CR1: variants seen among roughly 807,000 people sequenced by gnomAD.
The protein encoded by CR1 is complement C3b/C4b receptor 1 (Knops blood group), also known as complement receptor type 1.
Under a neutral mutation model 187.3 loss-of-function variants are expected in CR1, and 116 were observed. The ratio of observed to expected loss-of-function variants is 0.62; its 90% CI spans 0.53 to 0.72. The LOEUF is 0.72. Among genes scored for constraint, CR1 ranks in the 30% least tolerant of loss-of-function variants. CR1 has a pLI of 0.00. For synonymous variants in CR1, 576 were observed against 747.1 expected (o/e 0.77, Z 3.73); for missense variants, 1,731 against 2,110.7 (o/e 0.82, Z 3.52).
chr1:207,607,188 C>A, intron 35 of CR1, 63 bp from the exon 36 acceptor site: 2 of 1,293,242 alleles, frequency 1.5e-6, no homozygotes, highest in Non-Finnish European at 2.3e-6. Context: ...CTATTATTTT[C>A]TAAATGGTGA....
At chr1:207,501,282 G>A (rs1248710814) in intron 1 of CR1, among the ~76,000 whole-genome samples, 1 of 152,176 alleles carries the variant, frequency 6.6e-6, no homozygotes, top group Admixed American at 6.5e-5. Context: ...ACTCTGTGTG[G>A]GTGGGATGTA....
chr1:207,509,501 A>T (rs1330209626), intron 3 of CR1, among the ~76,000 whole-genome samples: 1 of 152,202 alleles, frequency 6.6e-6, no homozygotes, highest in Non-Finnish European at 1.5e-5. Flanking sequence ...TCAATTGCTT[A>T]ATCTACTTTG....
At chr1:207,518,948 G>A (rs1455645210) in intron 4 of CR1, among the ~76,000 whole-genome samples, 1 of 152,158 alleles carries the variant, frequency 6.6e-6, no homozygotes, top group Non-Finnish European at 1.5e-5. Context: ...CTATGAATTT[G>A]TCTGTCTTTC....
chr1:207,601,589 T>C (rs969268053), intron 35 of CR1, among the ~76,000 whole-genome samples: 2 of 152,166 alleles, frequency 1.3e-5, no homozygotes, highest in African/African-American at 4.8e-5. Flanking sequence ...GTCATTTTTC[T>C]GGTTTAAAAA....
rs1265480376 is a variant in CR1 at position 207,641,456 on chromosome 1, GA to G, written c.*2050del. On this transcript the variant is annotated 3_prime_UTR_variant, in exon 47 of 47. Transcript: ENST00000367049. ...GTCACTTTTTAATTGCAAGAAAGCT[GA>G]AAGGTTTTTTTCTATTATATCAGTT... 3 of 152,134 alleles carry G rather than the reference GA, an allele frequency of 2.0e-5. No individual in the cohort carries two copies. The highest frequency in any genetic ancestry group is 7.2e-5 in the African/African-American group (3 of 41,426). The allele number at this position is 152,134 out of a possible 1,614,324, so 9.4% of individuals were successfully genotyped here. A position where few individuals can be genotyped will look rare whatever the true frequency, so the allele number is the denominator to read the frequency against.
intron 44 of CR1, among the ~76,000 whole-genome samples, chr1:207,622,662 T>C (rs1041898126): frequency 6.6e-6 from 1 of 152,188 alleles, no homozygotes; most frequent in Non-Finnish European, 1.5e-5. Context: ...ATTTTCACAA[T>C]GAAATGCCTG....
At chr1:207,638,949 A>G (rs1662898040) in intron 46 of CR1, among the ~76,000 whole-genome samples, 1 of 152,128 alleles carries the variant, frequency 6.6e-6, no homozygotes, top group Non-Finnish European at 1.5e-5. Context: ...CAATTGTTGT[A>G]CTGTGGTAAC....
rs763547186 is a variant in CR1, at chr1:207,523,818, G to T, written c.695G>T (p.Cys232Phe). The change falls in exon 5 of 47, where the codon TGC becomes TTC. Residue 232 changes from cysteine to phenylalanine, a missense_variant. This residue lies in a region of CR1 where 131 missense variants were observed against 196.8 expected (regional missense o/e 0.67). Transcript: ENST00000367049. ...VGIWSGPAPQ[C>F]IIPNKCTPPN... ...ATCTGGAGCGGCCCCGCCCCTCAGT[G>T]CATTATACCTAACAAATGCACGCCT... 7 of 1,611,674 alleles carry T rather than the reference G, an allele frequency of 4.3e-6. No individual in the cohort carries two copies. Among genetic ancestry groups the T allele is most frequent in the Non-Finnish European group, 5.9e-6 (7 of 1,179,676 alleles).
chr1:207,625,171 G>T (rs1449978901), intron 45 of CR1, among the ~76,000 whole-genome samples: 1 of 152,182 alleles, frequency 6.6e-6, no homozygotes, highest in Non-Finnish European at 1.5e-5. Flanking sequence ...CTTTGGAAAT[G>T]ATTGTCTTGT....
intron 43 of CR1, among the ~76,000 whole-genome samples, chr1:207,621,693 C>T (rs1184654066): frequency 6.6e-6 from 1 of 152,062 alleles, no homozygotes; most frequent in Admixed American, 6.6e-5. Context: ...CAGAATGTAT[C>T]AAAACATTTT....
rs1419253581 is a variant in CR1 at position 207,614,477 on chromosome 1, C to G, written c.6649C>G (p.Pro2217Ala). 6.2e-7 allele frequency: 1 copy of G among 1,610,480 alleles called. No homozygotes were observed. ...GMKALWNSSV[P>A]VCEQIFCPNP... ...GAAAGCCCTTTGGAATAGCAGTGTT[C>G]CAGTGTGTGAACGTGAGTAGAAAGA... is the stretch of plus-strand genomic sequence containing the variant. Residue 2217 changes from proline to alanine, a missense_variant, in exon 40 of 47, where the codon CCA becomes GCA. Coordinates refer to ENST00000367049, the MANE Select transcript of CR1 (RefSeq NM_000651.6).
chr1:207,584,664 A>T lies in CR1; in HGVS notation c.5318A>T (p.Asn1773Ile). Residue 1773 changes from asparagine to isoleucine, a missense_variant, in exon 33 of 47, where the codon AAT becomes ATT. Asn to Ile is a moderately radical substitution (Grantham distance 149, BLOSUM62 -3). Around this residue, in one of 5 missense-constraint regions of CR1, gnomAD observed 1,312 missense variants for 1,379.6 expected, o/e 0.95. Transcript: ENST00000367049. ...TTCTTTCTAGATATCTTTTGTCCAA[A>T]TCCTCCAGCTATCCTTAATGGGAGA... ...VPVCEHIFCP[N>I]PPAILNGRHT... The T allele has an allele frequency of 6.2e-7, 1 of 1,613,574 alleles. No individual in the cohort carries two copies. The highest frequency in any genetic ancestry group is 8.5e-7 in the Non-Finnish European group (1 of 1,179,598).
At position 207,611,944 on chromosome 1, in the gene CR1, T is replaced by C. The variant is rs1307235096; in HGVS notation, c.6478T>C (p.Ser2160Pro). 1 of 1,613,906 alleles carries C rather than the reference T, an allele frequency of 6.2e-7. No homozygotes were observed. The highest frequency in any genetic ancestry group is 8.5e-7 in the Non-Finnish European group (1 of 1,179,920). ...TGTTTTATTTTTTCTTCTAGTGAAATCCTGTGATGACTTCCTGGGCCAACT... is the reference window on the plus strand; with the variant it reads ...TGTTTTATTTTTTCTTCTAGTGAAACCCTGTGATGACTTCCTGGGCCAACT... Reference protein sequence around the residue: ...SPEAPRCTVKSCDDFLGQLPH... With the variant: ...SPEAPRCTVKPCDDFLGQLPH... The change falls in exon 39 of 47, where the codon TCC becomes CCC. Residue 2160 changes from serine (S) to proline (P), a missense_variant. By Grantham distance (74) the Ser-to-Pro change is moderately conservative (BLOSUM62 -1). This residue lies in a region of CR1 where 1,312 missense variants were observed against 1,379.6 expected (regional missense o/e 0.95). Transcript: ENST00000367049.
At chr1:207,518,885 TA>T (rs1659884655) in intron 4 of CR1, among the ~76,000 whole-genome samples, 1 of 152,346 alleles carries the variant, frequency 6.6e-6, no homozygotes, top group Non-Finnish European at 1.5e-5. Context: ...AGGACACAGA[TA>T]TTTTTTAAGG....
chr1:207,523,590 T>C (rs1660063691), intron 4 of CR1, 21 bp from the exon 5 acceptor site: 6 of 1,613,690 alleles, frequency 3.7e-6, no homozygotes, highest in Non-Finnish European at 5.1e-6. Flanking sequence ...CTGTTATTTA[T>C]CCTGCTCTTC....
At chr1:207,573,771 C>A (rs1301801498) in intron 27 of CR1, among the ~76,000 whole-genome samples, 6 of 152,010 alleles carry the variant, frequency 3.9e-5, no homozygotes, top group Admixed American at 1.3e-4. Flanking sequence ...ATGAATATTG[C>A]AGAAAATTAA....
intron 4 of CR1, among the ~76,000 whole-genome samples, chr1:207,518,352 C>T (rs1659867244): frequency 6.6e-6 from 1 of 152,138 alleles, no homozygotes; most frequent in Non-Finnish European, 1.5e-5. Flanking sequence ...CTTGAATGTA[C>T]AGTTATTTTG....
chr1:207,573,084 G>A (rs189253521), intron 27 of CR1, among the ~76,000 whole-genome samples: 1 of 145,834 alleles, frequency 6.9e-6, no homozygotes, highest in Non-Finnish European at 1.6e-5. Flanking sequence ...CAGCATACTT[G>A]GGGGGAGACA....
intron 43 of CR1, among the ~76,000 whole-genome samples, chr1:207,620,518 T>C (rs1292751267): frequency 6.6e-6 from 1 of 152,168 alleles, no homozygotes; most frequent in East Asian, 1.9e-4. Flanking sequence ...TGCTGGCAAC[T>C]GGAAGGTACT....
Sources: allele counts gnomAD v4.1 joint callset (sites outside exome capture counted in the v4.1 genomes callset), GRCh38; gene constraint gnomAD v4.1.1; regional missense constraint gnomAD v4.1.1; transcripts MANE v1.5; gene names NCBI Gene and HGNC (gene_info 2026-07-23, HGNC 2026-07-21).